RPS6KA2: variants seen among roughly 807,000 people sequenced by gnomAD.
The protein encoded by RPS6KA2 is ribosomal protein S6 kinase alpha-2.
Under a neutral mutation model 91.8 loss-of-function variants are expected in RPS6KA2, and 42 were observed. That is an observed-to-expected ratio of 0.46 (90% confidence interval 0.36 to 0.59). RPS6KA2 has a LOEUF of 0.59. Ranked by LOEUF, RPS6KA2 falls within the 20% of genes least tolerant of loss-of-function variation. The pLI is 0.00. For synonymous variants in RPS6KA2, 414 were observed against 393.6 expected, an observed-to-expected ratio of 1.05 and a Z score of -0.61; for missense variants, 798 against 978.5, an observed-to-expected ratio of 0.82 and a Z score of 2.46.
Position 166,430,366 on chromosome 6 carries a change from A to C in RPS6KA2, c.1581+87T>G, listed in dbSNP as rs538154037. ...GAATTCCAGGACAATCCGCGTTCTC[A>C]GCTCTTGAACCCATAAACCCTTGTG... On this transcript the variant is annotated intron_variant, in intron 16 of 20. Transcript: ENST00000265678. 13 of 1,193,506 alleles carry C rather than the reference A, an allele frequency of 1.1e-5. No homozygotes were observed. The African/African-American group carries it at 1.8e-4, about 17-fold the overall frequency. 73.9% of individuals were successfully genotyped at this position (1,193,506 alleles called of 1,614,324 possible).
At chr6:166,607,513 A>G (rs1473185339) in intron 1 of RPS6KA2, among the ~76,000 whole-genome samples, 1 of 152,220 alleles carries the variant, frequency 6.6e-6, no homozygotes. Context: ...TAAGTGAAAG[A>G]AGCCAGCCAC....
At chr6:166,530,980 G>A (rs1473966516) in intron 3 of RPS6KA2, among the ~76,000 whole-genome samples, 1 of 152,238 alleles carries the variant, frequency 6.6e-6, no homozygotes, top group African/African-American at 2.4e-5. Flanking sequence ...GCCGCTCCAC[G>A]GCAGAACATA....
intron 2 of RPS6KA2, among the ~76,000 whole-genome samples, chr6:166,838,354 A>G (rs911285970): frequency 1.3e-5 from 2 of 152,360 alleles, no homozygotes; most frequent in Non-Finnish European, 2.9e-5. Flanking sequence ...CAGCGTGTCA[A>G]TGATAATAGC....
intron 2 of RPS6KA2, among the ~76,000 whole-genome samples, chr6:166,654,422 A>G (rs568067981): frequency 6.6e-6 from 1 of 151,312 alleles, no homozygotes; most frequent in African/African-American, 2.5e-5. Context: ...CCCCACTGCC[A>G]GCCGGGTGAA....
At chr6:166,581,914 G>C (rs527522837) in intron 1 of RPS6KA2, among the ~76,000 whole-genome samples, 21 of 144,166 alleles carry the variant, frequency 1.5e-4, no homozygotes, top group Non-Finnish European at 2.6e-4. Flanking sequence ...AATGCCCACT[G>C]GGCAGGTGGG....
At position 166,445,859 on chromosome 6, in the gene RPS6KA2, G is replaced by A. The variant is rs139202416; in HGVS notation, c.1332+2865C>T. 5.4e-4 allele frequency among the ~76,000 whole-genome samples: 82 copies of A among 152,196 alleles called. No homozygotes were observed. Among genetic ancestry groups the A allele is most frequent in the Non-Finnish European group, 8.8e-4 (60 of 68,010 alleles). Reference sequence around the variant, plus strand: ...AAAGCCGGATTCTAGTGACAATCTCGGCTGGACATCTGCTGAGCTGAGATC... The same window carrying A: ...AAAGCCGGATTCTAGTGACAATCTCAGCTGGACATCTGCTGAGCTGAGATC... On this transcript the variant is annotated intron_variant, in intron 14 of 20. Transcript: ENST00000265678. This position sits in a 1 kb window ranked among gnomAD's most constrained non-coding sequence, Gnocchi z 4.5.
intron 1 of RPS6KA2, chr6:166,542,477 G>A (rs763186): frequency 3.3e-5 from 5 of 152,026 alleles, no homozygotes; most frequent in Non-Finnish European, 7.4e-5. Flanking sequence ...TGAGAGCTTT[G>A]GGAGGAGGAG....
intron 1 of RPS6KA2, among the ~76,000 whole-genome samples, chr6:166,553,214 G>A (rs1208398371): frequency 6.6e-6 from 1 of 152,078 alleles, no homozygotes; most frequent in African/African-American, 2.4e-5. Context: ...GACCTCCCTG[G>A]GCTCAAGAGA....
chr6:166,643,088 C>T (rs1787495372), intron 2 of RPS6KA2, among the ~76,000 whole-genome samples: 1 of 152,178 alleles, frequency 6.6e-6, no homozygotes, highest in African/African-American at 2.4e-5. Flanking sequence ...GATACTCATG[C>T]CATTTTCTGT....
At position 166,603,390 on chromosome 6, in the gene RPS6KA2, G is replaced by GTGGTGACTTC. The variant is rs958822472; in HGVS notation, c.99+23530_99+23531insGAAGTCACCA. Among the ~76,000 whole-genome samples the GTGGTGACTTC allele has an allele frequency of 6.6e-6, 1 of 152,194 alleles. No individual in the cohort carries two copies. Among genetic ancestry groups the GTGGTGACTTC allele is most frequent in the African/African-American group, 2.4e-5 (1 of 41,434 alleles). On this transcript the variant is annotated intron_variant, in intron 1 of 20. Transcript: ENST00000265678. The surrounding 1 kb of genome is among the most constrained non-coding windows in gnomAD (Gnocchi z 4.3). ...CTCAGAGTGCGTGGGGTGGGGCAGA[G>GTGGTGACTTC]CTCTGGGAGGCCGAGTGGTGACTTC... is the stretch of plus-strand genomic sequence containing the variant.
At chr6:166,829,985 G>C (rs970244349) in intron 2 of RPS6KA2, among the ~76,000 whole-genome samples, 1 of 151,862 alleles carries the variant, frequency 6.6e-6, no homozygotes, top group Non-Finnish European at 1.5e-5. Flanking sequence ...AACTATCTGG[G>C]CGTAGTGGTG....
intron 1 of RPS6KA2, among the ~76,000 whole-genome samples, chr6:166,594,137 A>G (rs1785450318): frequency 1.3e-5 from 2 of 152,224 alleles, no homozygotes; most frequent in Admixed American, 1.3e-4. Context: ...TGTGACCATT[A>G]TACTTGTATG....
chr6:166,597,405 G>A (rs1413725986), intron 1 of RPS6KA2, among the ~76,000 whole-genome samples: 4 of 152,214 alleles, frequency 2.6e-5, no homozygotes, highest in Admixed American at 6.5e-5. Flanking sequence ...GCCAGGCCAT[G>A]GGGGCCATTT....
rs577338281 is a variant in RPS6KA2 at position 166,647,877 on chromosome 6, CT to C, written c.124-109094del. On this transcript the variant is annotated intron_variant, in intron 2 of 21. Transcript: ENST00000503859. ...ACATGCTCATACACACATGCACATG[CT>C]GACACACATACATACACACATGCTC... Among the ~76,000 whole-genome samples, 80 of 135,478 alleles carry C rather than the reference CT, an allele frequency of 5.9e-4. 1 individual carries two copies. Among genetic ancestry groups the C allele is most frequent in the African/African-American group, 2.0e-3 (76 of 38,564 alleles). 88.9% of individuals were successfully genotyped at this position (135,478 alleles called of 152,430 possible).
At chr6:166,562,800 G>A (rs976929260) in intron 1 of RPS6KA2, among the ~76,000 whole-genome samples, 7 of 152,228 alleles carry the variant, frequency 4.6e-5, no homozygotes, top group African/African-American at 1.7e-4. Context: ...GCTGGTGGAT[G>A]GGACAGCATG....
chr6:166,648,703 G>C lies in RPS6KA2; in HGVS notation c.124-109919C>G, dbSNP rs1195000980. On this transcript the variant is annotated intron_variant, in intron 2 of 21. Transcript: ENST00000503859. The surrounding 1 kb of genome is among the most constrained non-coding windows in gnomAD (Gnocchi z 4.8). The stretch of plus-strand genomic sequence containing the variant: ...CAACTCTCTGCAGCCGACTCCATCT[G>C]CGCATCACTCCGATCTGTATTACAG... Among the ~76,000 whole-genome samples, 2 of 152,116 alleles carry C rather than the reference G, an allele frequency of 1.3e-5. No individual in the cohort carries two copies. Among genetic ancestry groups the C allele is most frequent in the African/African-American group, 2.4e-5 (1 of 41,402 alleles).
chr6:166,800,254 C>T (rs530628983), intron 2 of RPS6KA2, among the ~76,000 whole-genome samples: 2 of 152,326 alleles, frequency 1.3e-5, no homozygotes, highest in Admixed American at 6.5e-5. Flanking sequence ...CTTCCAGTGG[C>T]TCTGACACGT....
At chr6:166,562,778 C>A (rs1015840730) in intron 1 of RPS6KA2, among the ~76,000 whole-genome samples, 7 of 152,208 alleles carry the variant, frequency 4.6e-5, no homozygotes, top group African/African-American at 1.7e-4. Context: ...CCAAGTTAAT[C>A]CAAGATGCTG....
rs1474163657 is a variant in RPS6KA2 at position 166,417,606 on chromosome 6, A to T, written c.1938+619T>A. ...CACGTGAGCCAATTTCTTACAAATA[A>T]ATCTCTCTCTCTATACACACACACA... On this transcript the variant is annotated intron_variant, in intron 19 of 20. Transcript: ENST00000265678. 5.2e-5 allele frequency among the ~76,000 whole-genome samples: 7 copies of T among 133,478 alleles called. No individual in the cohort carries two copies. The Admixed American group carries it at 5.3e-4, about 10-fold the overall frequency. The allele number at this position is 133,478 out of a possible 152,430, so 87.6% of individuals were successfully genotyped here.
Sources: gnomAD v4.1 joint callset for allele counts (sites outside exome capture counted in the v4.1 genomes callset) on GRCh38, gnomAD v4.1.1 for gene constraint, Gnocchi (gnomAD v3.1) non-coding constraint, MANE v1.5 for transcripts, NCBI Gene and HGNC (gene_info 2026-07-23, HGNC 2026-07-21) for gene names.